The following AK8 variants were observed in gnomAD, a reference collection of about 807,000 sequenced individuals.
The protein encoded by AK8 is ATP-AMP transphosphorylase 8.
In AK8, 44 loss-of-function variants were observed where a neutral mutation model predicts 54.6. That is an observed-to-expected ratio of 0.81 (90% CI 0.63 to 1.04). The LOEUF (loss-of-function observed/expected upper bound fraction) is 1.04, where lower values mean the gene tolerates loss of function less well. Ranked by LOEUF, AK8 falls within the 50% of genes least tolerant of loss-of-function variation. AK8 has a pLI of 0.00. For synonymous variants in AK8, 239 were observed against 245.6 expected, an observed-to-expected ratio of 0.97 and a Z score of 0.25; for missense variants, 555 against 613.6, an observed-to-expected ratio of 0.90 and a Z score of 1.01.
At chr9:132,805,728 G>T (rs1840690323) in intron 10 of AK8, among the ~76,000 whole-genome samples, 1 of 152,030 alleles carries the variant, frequency 6.6e-6, no homozygotes, top group African/African-American at 2.4e-5. Context: ...AGGCCCTCCA[G>T]CCCCCACAAT....
At chr9:132,877,893 T>C in intron 1 of AK8, 1 of 728,314 alleles carries the variant, frequency 1.4e-6, no homozygotes, top group South Asian at 1.5e-5. Flanking sequence ...TTCCAGACCA[T>C]AAGGCCCGCT....
At chr9:132,848,304 C>T (rs1237484324) in intron 5 of AK8, among the ~76,000 whole-genome samples, 4 of 152,022 alleles carry the variant, frequency 2.6e-5, no homozygotes, top group African/African-American at 9.7e-5. Context: ...TCCAGTCACT[C>T]GGGCCATCTT....
At chr9:132,875,031 G>A in intron 2 of AK8, 84 bp downstream of exon 2, 1 of 1,536,654 alleles carries the variant, frequency 6.5e-7, no homozygotes, top group South Asian at 1.2e-5. Flanking sequence ...AAGAGGAGGA[G>A]GAGGCAGAGG....
chr9:132,739,963 C>T (rs989761521), intron 11 of AK8, among the ~76,000 whole-genome samples: 1 of 152,248 alleles, frequency 6.6e-6, no homozygotes, highest in Non-Finnish European at 1.5e-5. Context: ...CACACAGTGG[C>T]ATGCTGGTAA....
intron 9 of AK8, among the ~76,000 whole-genome samples, chr9:132,816,747 T>C (rs1039423815): frequency 6.6e-6 from 1 of 152,140 alleles, no homozygotes; most frequent in Non-Finnish European, 1.5e-5. Flanking sequence ...GCAGGAAACA[T>C]ACAAAACGAG....
At chr9:132,854,986 A>G in intron 4 of AK8, 61 bp from the exon 5 acceptor site, 1 of 1,569,728 alleles carries the variant, frequency 6.4e-7, no homozygotes, top group Non-Finnish European at 8.8e-7. Flanking sequence ...CTCAGGACAC[A>G]GACCAGCACA....
At chr9:132,740,401 G>A (rs927783915) in intron 11 of AK8, among the ~76,000 whole-genome samples, 1 of 152,150 alleles carries the variant, frequency 6.6e-6, no homozygotes, top group African/African-American at 2.4e-5. Flanking sequence ...TTGAACCCAG[G>A]ACTGTCTGCT....
chr9:132,862,095 C>T lies in AK8; in HGVS notation c.333+1570G>A, dbSNP rs567241830. Reference sequence around the variant, plus strand: ...CTTCCCCAAGAAAGCTTATCTTCTGCAGAAAATGAGATAACCACTTTCTTT... The same window carrying T: ...CTTCCCCAAGAAAGCTTATCTTCTGTAGAAAATGAGATAACCACTTTCTTT... On this transcript the variant is annotated intron_variant, in intron 4 of 12. Coordinates refer to ENST00000298545, the MANE Select transcript of AK8 (RefSeq NM_152572.3). Among the ~76,000 whole-genome samples the T allele has an allele frequency of 5.9e-5, 9 of 152,308 alleles. No homozygotes were observed. In the East Asian group the frequency reaches 1.7e-3, roughly 29 times the overall value.
At chr9:132,850,324 C>A (rs562853826) in intron 5 of AK8, among the ~76,000 whole-genome samples, 7 of 138,898 alleles carry the variant, frequency 5.0e-5, no homozygotes, top group Admixed American at 4.6e-4. Flanking sequence ...TGAGTCGTTG[C>A]GATAGAAGCC....
chr9:132,840,967 A>G (rs1169366409), intron 5 of AK8, among the ~76,000 whole-genome samples: 1 of 152,134 alleles, frequency 6.6e-6, no homozygotes, highest in African/African-American at 2.4e-5. Flanking sequence ...TTCTACTCAT[A>G]AGGGATCCTC....
Position 132,725,623 on chromosome 9 carries a change from G to A in AK8, c.*65C>T. ...TGGCTTTTTAGGGGAGCTGTGCCGA[G>A]GCTGGGGGGCTGGGGGCAGGGGATT... On this transcript the variant is annotated 3_prime_UTR_variant, in exon 13 of 13. Coordinates refer to ENST00000298545, the MANE Select transcript of AK8 (RefSeq NM_152572.3). 2.8e-6 allele frequency: 4 copies of A among 1,414,842 alleles called. No individual in the cohort carries two copies. 87.6% of individuals were successfully genotyped at this position (1,414,842 alleles called of 1,614,324 possible).
At chr9:132,762,177 CT>C (rs551013769) in intron 11 of AK8, among the ~76,000 whole-genome samples, 163 of 152,184 alleles carry the variant, frequency 1.1e-3, no homozygotes, top group Middle Eastern at 3.4e-3. Context: ...GCCATTCTTT[CT>C]TTTTTAATTG....
intron 3 of AK8, 93 bp downstream of exon 3, chr9:132,866,811 T>A: frequency 4.1e-6 from 5 of 1,214,494 alleles, no homozygotes; most frequent in Non-Finnish European, 6.1e-6. Flanking sequence ...AAAGCTCAGT[T>A]ATGCTACAAA....
At chr9:132,869,185 A>G (rs540158859) in intron 2 of AK8, among the ~76,000 whole-genome samples, 6 of 152,220 alleles carry the variant, frequency 3.9e-5, no homozygotes, top group African/African-American at 1.2e-4. Flanking sequence ...GTCTCAAAAT[A>G]TCTATATCTA....
intron 12 of AK8, 89 bp downstream of exon 12, chr9:132,727,365 G>T: frequency 1.7e-6 from 2 of 1,206,234 alleles, no homozygotes; most frequent in Non-Finnish European, 2.5e-6. Flanking sequence ...TGTTATCCCT[G>T]CAGTGTTTCC....
Position 132,826,708 on chromosome 9 carries a change from C to A in AK8, c.757+146G>T. 2 of 943,988 alleles carry A rather than the reference C, an allele frequency of 2.1e-6. No homozygotes were observed. Among genetic ancestry groups the A allele is most frequent in the Non-Finnish European group, 3.1e-6 (2 of 635,186 alleles). The allele number at this position is 943,988 out of a possible 1,614,324, so 58.5% of individuals were successfully genotyped here. ...CACACATGCATTTCTGGGCAGGGAACCCGGGTCATCTATGTCTTGACTTCC... is the reference window on the plus strand; with the variant it reads ...CACACATGCATTTCTGGGCAGGGAAACCGGGTCATCTATGTCTTGACTTCC... On this transcript the variant is annotated intron_variant, in intron 8 of 12. Transcript: ENST00000298545. This position sits in a 1 kb window ranked among gnomAD's most constrained non-coding sequence, Gnocchi z 4.5.
chr9:132,827,376 T>G (rs1801151537), intron 7 of AK8: 1 of 397,856 alleles, frequency 2.5e-6, no homozygotes, highest in Non-Finnish European at 4.6e-6. Context: ...CATCACCCAT[T>G]AGGTTGGTAT....
chr9:132,840,266 T>C (rs1228273009), intron 5 of AK8, among the ~76,000 whole-genome samples: 2 of 152,090 alleles, frequency 1.3e-5, no homozygotes, highest in African/African-American at 2.4e-5. Flanking sequence ...GAAGGTCCCT[T>C]CCCTCACAGC....
chr9:132,821,408 T>A lies in AK8; in HGVS notation c.889+1797A>T, dbSNP rs967054939. 3.3e-5 allele frequency among the ~76,000 whole-genome samples: 5 copies of A among 152,132 alleles called. 1 individual carries two copies. Among genetic ancestry groups the A allele is most frequent in the East Asian group, 1.9e-4 (1 of 5,192 alleles). On this transcript the variant is annotated intron_variant, in intron 9 of 12. Coordinates refer to ENST00000298545, the MANE Select transcript of AK8 (RefSeq NM_152572.3). ...TGGAAATTTCATCTTATAATTCTCT[T>A]AAGAGGAACAATCAAAAGAAGAAGG...
Sources: allele counts gnomAD v4.1 joint callset (sites outside exome capture counted in the v4.1 genomes callset), GRCh38; gene constraint gnomAD v4.1.1; non-coding constraint Gnocchi (gnomAD v3.1); transcripts MANE v1.5; gene names NCBI Gene and HGNC (gene_info 2026-07-23, HGNC 2026-07-21).